PPP2R2B: variants seen among roughly 807,000 people sequenced by gnomAD.
PPP2R2B encodes the protein serine/threonine-protein phosphatase 2A 55 kDa regulatory subunit B beta isoform.
Under a neutral mutation model 46.0 loss-of-function variants are expected in PPP2R2B, and 5 were observed. The ratio of observed to expected loss-of-function variants is 0.11; its 90% CI spans 0.06 to 0.23. The LOEUF is 0.23. PPP2R2B is among the 10% of genes least tolerant of loss of function. PPP2R2B has a pLI of 1.00. For missense variants in PPP2R2B, 367 were observed against 575.0 expected, an observed-to-expected ratio of 0.64 and a Z score of 3.70; for synonymous variants, 215 against 206.7, an observed-to-expected ratio of 1.04 and a Z score of -0.34.
At chr5:146,936,047 C>T (rs1351592311) in intron 1 of PPP2R2B, among the ~76,000 whole-genome samples, 1 of 152,172 alleles carries the variant, frequency 6.6e-6, no homozygotes, top group Non-Finnish European at 1.5e-5. Context: ...GGAGCTACAG[C>T]TGTTGCTGTT....
At chr5:146,628,315 C>A (rs1480804272) in intron 7 of PPP2R2B, among the ~76,000 whole-genome samples, 1 of 152,164 alleles carries the variant, frequency 6.6e-6, no homozygotes, top group Non-Finnish European at 1.5e-5. Flanking sequence ...TCAGACTGCC[C>A]CTGGACAGGA....
intron 5 of PPP2R2B, among the ~76,000 whole-genome samples, chr5:146,666,121 A>G (rs1306567906): frequency 1.3e-5 from 2 of 152,226 alleles, no homozygotes; most frequent in Non-Finnish European, 2.9e-5. Context: ...TTAATGTCAT[A>G]GCTTATCTAT....
intron 1 of PPP2R2B, chr5:146,922,498 C>A (rs1454602784): frequency 1.3e-5 from 2 of 152,152 alleles, no homozygotes; most frequent in African/African-American, 4.8e-5. Flanking sequence ...CTTGGCATCT[C>A]CTCCCAGCTC....
intron 1 of PPP2R2B, among the ~76,000 whole-genome samples, chr5:146,913,308 C>T (rs951051134): frequency 5.3e-5 from 8 of 152,244 alleles, no homozygotes; most frequent in African/African-American, 1.2e-4. Context: ...AGTCTTCACA[C>T]GCAGCCATCC....
intron 3 of PPP2R2B, among the ~76,000 whole-genome samples, chr5:146,698,793 A>G (rs1049662339): frequency 1.3e-5 from 2 of 150,554 alleles, no homozygotes; most frequent in Non-Finnish European, 3.0e-5. Context: ...AGCAGACAGG[A>G]GCTCAGGGAT....
chr5:146,695,621 C>A (rs1048718628), intron 4 of PPP2R2B, among the ~76,000 whole-genome samples: 2 of 152,136 alleles, frequency 1.3e-5, no homozygotes, highest in Admixed American at 6.5e-5. Context: ...TTTATTATCA[C>A]ACTTTTTTTC....
chr5:146,729,096 G>A (rs1444244571), intron 2 of PPP2R2B, among the ~76,000 whole-genome samples: 3 of 152,186 alleles, frequency 2.0e-5, no homozygotes, highest in Non-Finnish European at 2.9e-5. Context: ...GAATGGCTGT[G>A]TCCAAAATGC....
intron 2 of PPP2R2B, among the ~76,000 whole-genome samples, chr5:146,841,180 G>A (rs2151369895): frequency 6.6e-6 from 1 of 152,272 alleles, no homozygotes; most frequent in African/African-American, 2.4e-5. Context: ...ACTCAAAGCA[G>A]AAGCCAGCTA....
At chr5:146,994,987 G>C (rs990770474) in intron 1 of PPP2R2B, among the ~76,000 whole-genome samples, 6 of 152,200 alleles carry the variant, frequency 3.9e-5, no homozygotes, top group African/African-American at 1.4e-4. Flanking sequence ...CTTGTCCCAA[G>C]ACTGAGGTGG....
In PPP2R2B at chr5:146,696,228, C is replaced by A. The variant is rs552035311; in HGVS notation, c.334+1751G>T. ...ACGCCATTATCCGGCCTCAGCCTCC[C>A]GAGTAGCCAGGACTACAGGTGCCGG... On this transcript the variant is annotated intron_variant, in intron 4 of 9. Transcript: ENST00000394411. Among the ~76,000 whole-genome samples the A allele has an allele frequency of 3.9e-5, 6 of 152,006 alleles. No individual in the cohort carries two copies. The South Asian group carries it at 1.2e-3, about 32-fold the overall frequency.
intron 7 of PPP2R2B, among the ~76,000 whole-genome samples, chr5:146,632,419 A>G (rs946775300): frequency 6.6e-6 from 1 of 152,188 alleles, no homozygotes; most frequent in African/African-American, 2.4e-5. Flanking sequence ...AGTCCATGGT[A>G]CTTTGTTGCA....
chr5:146,804,553 T>C (rs1377585299), intron 2 of PPP2R2B, among the ~76,000 whole-genome samples: 1 of 152,164 alleles, frequency 6.6e-6, no homozygotes, highest in East Asian at 1.9e-4. Context: ...TTGTGACTTG[T>C]CACTCAATAA....
intron 1 of PPP2R2B, among the ~76,000 whole-genome samples, chr5:146,973,460 A>C (rs987986793): frequency 3.9e-5 from 6 of 152,206 alleles, no homozygotes; most frequent in Non-Finnish European, 8.8e-5. Context: ...CTTCAGCAGC[A>C]GCCGAAGGGC....
chr5:147,029,530 T>C (rs906185582), intron 1 of PPP2R2B, among the ~76,000 whole-genome samples: 1 of 152,216 alleles, frequency 6.6e-6, no homozygotes, highest in Non-Finnish European at 1.5e-5. Context: ...TAATTATTGA[T>C]GCTTTATAAG....
chr5:146,939,602 A>T (rs1050904344), intron 1 of PPP2R2B, among the ~76,000 whole-genome samples: 17 of 152,232 alleles, frequency 1.1e-4, no homozygotes, highest in South Asian at 2.1e-4. Context: ...GGAAAATGCA[A>T]CACTGACTAT....
At chr5:146,992,295 G>GA (rs1753729603) in intron 1 of PPP2R2B, among the ~76,000 whole-genome samples, 1 of 152,206 alleles carries the variant, frequency 6.6e-6, no homozygotes, top group South Asian at 2.1e-4. Flanking sequence ...ATGGTGTTGG[G>GA]AAAACTAGAC....
intron 2 of PPP2R2B, among the ~76,000 whole-genome samples, chr5:146,839,523 A>G (rs1759500241): frequency 6.6e-6 from 1 of 152,244 alleles, no homozygotes; most frequent in South Asian, 2.1e-4. Flanking sequence ...CATCTCAAAA[A>G]TATAGTAAAA....
intron 1 of PPP2R2B, among the ~76,000 whole-genome samples, chr5:147,014,351 G>A (rs62377583): frequency 2.0e-5 from 3 of 149,546 alleles, no homozygotes; most frequent in African/African-American, 4.9e-5. Flanking sequence ...ATCTAGAACT[G>A]GAAATACCAT....
At chr5:146,867,497 T>C (rs319225) in intron 2 of PPP2R2B, among the ~76,000 whole-genome samples, 33,337 of 152,066 alleles carry the variant, frequency 0.22, 4,873 homozygotes, top group African/African-American at 0.39. Flanking sequence ...GGGAATCTTT[T>C]GTATTTATTT....
Sources: allele counts gnomAD v4.1 joint callset (sites outside exome capture counted in the v4.1 genomes callset), GRCh38; gene constraint gnomAD v4.1.1; transcripts MANE v1.5; gene names NCBI Gene and HGNC (gene_info 2026-07-23, HGNC 2026-07-21).